Variants in COMP observed in about 807,000 individuals in gnomAD.
COMP encodes the protein cartilage oligomeric matrix protein, also known as cartilage oligomeric matrix protein (pseudoachondroplasia, epiphyseal dysplasia 1, multiple).
In COMP, 79 loss-of-function variants were observed where a neutral mutation model predicts 95.8. The observed-to-expected ratio is 0.82, with a 90% confidence interval of 0.69 to 0.99. The LOEUF is 0.99. Among genes scored for constraint, COMP ranks in the 50% least tolerant of loss-of-function variants. The probability of loss-of-function intolerance (pLI) is 0.00; values close to 1 mark genes in which losing one functional copy is unlikely to be tolerated. For synonymous variants in COMP, 438 were observed against 433.9 expected (o/e 1.01, Z -0.12); for missense variants, 906 against 1,076.1 (o/e 0.84, Z 2.21).
intron 3 of COMP, 65 bp from the exon 4 acceptor site, chr19:18,790,179 C>A (rs1378870904): frequency 2.4e-6 from 3 of 1,269,304 alleles, no homozygotes; most frequent in Non-Finnish European, 3.2e-6. Context: ...CAGAGCCTAT[C>A]ATGGCCACGC....
rs2055192861 is a variant in COMP, at chr19:18,789,250, G to A, written c.438C>T (p.Ser146=). 2.0e-6 allele frequency: 3 copies of A among 1,525,752 alleles called. No homozygotes were observed. The East Asian group carries it at 6.8e-5, about 35-fold the overall frequency. The allele number at this position is 1,525,752 out of a possible 1,614,324, so 94.5% of individuals were successfully genotyped here. The part of the protein sequence containing the change: ...CFPRVRCINT[S]PGFRCEACPP... ...GGCAAGCCTCGCAGCGGAACCCCGG[G>A]CTGGTGTTGATACAGCGGACTCGGG... Residue 146 remains serine (S), a synonymous_variant, in exon 5 of 19, where the codon AGC becomes AGT. Transcript: ENST00000222271. This position sits in a 1 kb window ranked among gnomAD's most constrained non-coding sequence, Gnocchi z 6.1.
In COMP at chr19:18,790,563, G is replaced by A; in HGVS notation, c.216C>T (p.Cys72=). Residue 72 remains cysteine, a splice_region_variant and synonymous_variant, in exon 3 of 19, where the codon TGC becomes TGT. Coordinates refer to ENST00000222271, the MANE Select transcript of COMP (RefSeq NM_000095.3). The part of the protein sequence containing the change: ...LKNTVMECDA[C]GMQQSVRTGL... ...TCCCGACCGCCCCGCCGCGCTCACCGCACGCGTCACACTCCATCACCGTGT... is the reference window on the plus strand; with the variant it reads ...TCCCGACCGCCCCGCCGCGCTCACCACACGCGTCACACTCCATCACCGTGT... 1 of 1,613,572 alleles carries A rather than the reference G, an allele frequency of 6.2e-7. No homozygotes were observed. The highest frequency in any genetic ancestry group is 8.5e-7 in the Non-Finnish European group (1 of 1,179,838).
intron 11 of COMP, 42 bp downstream of exon 11, chr19:18,786,490 C>T (rs745984596): frequency 3.8e-6 from 6 of 1,572,492 alleles, no homozygotes; most frequent in Non-Finnish European, 5.3e-6. Context: ...ACTTGCAGTT[C>T]ACCCAGAGGG....
chr19:18,783,537 C>T (rs1043439864), intron 17 of COMP, among the ~76,000 whole-genome samples: 1 of 152,048 alleles, frequency 6.6e-6, no homozygotes, highest in Admixed American at 6.5e-5. Flanking sequence ...ATTACTGCCA[C>T]CTTAATTCCC....
At position 18,790,864 on chromosome 19, in the gene COMP, G is replaced by T. The variant is rs2055208145; in HGVS notation, c.151C>A (p.Leu51Met). 1.9e-6 allele frequency: 3 copies of T among 1,565,988 alleles called. No homozygotes were observed. The highest frequency in any genetic ancestry group is 2.6e-6 in the Non-Finnish European group (3 of 1,157,612). ...TNAALQDVRE[L>M]LRQQVREITF... ...GGGCCCCGCACCTGCTGCCGCAGCAGCTCCCGCACGTCCTGCAGCGCCGCG... is the reference window on the plus strand; with the variant it reads ...GGGCCCCGCACCTGCTGCCGCAGCATCTCCCGCACGTCCTGCAGCGCCGCG... The change falls in exon 2 of 19, where the codon CTG becomes ATG. Residue 51 changes from leucine (L) to methionine (M), a missense_variant. By Grantham distance (15) the Leu-to-Met change is conservative. Transcript: ENST00000222271.
rs200440859 is a variant in COMP, at chr19:18,788,943, C to G, written c.529-30G>C. The G allele has an allele frequency of 1.6e-5, 25 of 1,609,560 alleles. No homozygotes were observed. In the East Asian group the frequency reaches 5.4e-4, roughly 34 times the overall value. ...GGGAGGGGAACTCAGAGGTCACCAC[C>G]CCACGCAGACACCTCCGGACCTCCC... On this transcript the variant is annotated intron_variant, in intron 5 of 18. Coordinates refer to ENST00000222271, the MANE Select transcript of COMP (RefSeq NM_000095.3). This position sits in a 1 kb window ranked among gnomAD's most constrained non-coding sequence, Gnocchi z 4.7.
chr19:18,784,865 C>G lies in COMP; in HGVS notation c.1914+31G>C, dbSNP rs767388975. The G allele has an allele frequency of 9.9e-6, 16 of 1,611,080 alleles. No homozygotes were observed. The highest frequency in any genetic ancestry group is 1.3e-5 in the Non-Finnish European group (15 of 1,179,244). ...GAGGGTCATGGGAGGGCATGAGGACCGCAGAGGTCAGGCACGGACGGCCCT... is the reference window on the plus strand; with the variant it reads ...GAGGGTCATGGGAGGGCATGAGGACGGCAGAGGTCAGGCACGGACGGCCCT... On this transcript the variant is annotated intron_variant, in intron 16 of 18. Transcript: ENST00000222271. The surrounding 1 kb of genome is among the most constrained non-coding windows in gnomAD (Gnocchi z 4.9).
Position 18,790,920 on chromosome 19 carries a change from G to A in COMP, c.95C>T (p.Pro32Leu). The A allele has an allele frequency of 6.4e-7, 1 of 1,563,410 alleles. No homozygotes were observed. Among genetic ancestry groups the A allele is most frequent in the Non-Finnish European group, 8.7e-7 (1 of 1,154,804 alleles). ...TTCCTGCAGTTCCCGAAGCATCTGC[G>A]GGCCCAGGTCTGAGCCTGCGGCGGC... ...GQSPLGSDLG[P>L]QMLRELQETN... is the part of the protein sequence containing the mutation. The change falls in exon 2 of 19, where the codon CCG becomes CTG. Residue 32 changes from proline to leucine, a missense_variant. Physicochemically the swap from Pro to Leu is moderately conservative, Grantham distance 98. Coordinates refer to ENST00000222271, the MANE Select transcript of COMP (RefSeq NM_000095.3).
In COMP at chr19:18,786,610, G is replaced by C; in HGVS notation, c.1176C>G (p.Asn392Lys). 6.2e-7 allele frequency: 1 copy of C among 1,614,058 alleles called. No homozygotes were observed. Among genetic ancestry groups the C allele is most frequent in the African/African-American group, 1.3e-5 (1 of 75,026 alleles). Residue 392 changes from asparagine (N) to lysine (K), a missense_variant, in exon 11 of 19, where the codon AAC (asparagine) becomes AAG (lysine). Asn to Lys is a moderately conservative substitution (Grantham distance 94). Coordinates refer to ENST00000222271, the MANE Select transcript of COMP (RefSeq NM_000095.3). ...NQADNCPRVP[N>K]SDQKDSDGDG... is the part of the protein sequence containing the mutation. ...CGCCATCACTGTCCTTCTGGTCTGA[G>C]TTGGGTACCCTAGGGCAGTTGTCGG...
At chr19:18,786,425 T>A in intron 11 of COMP, 107 bp downstream of exon 11, 1 of 1,528,728 alleles carries the variant, frequency 6.5e-7, no homozygotes, top group South Asian at 1.1e-5. Flanking sequence ...GACCGAGAGG[T>A]CATTTCTCTG....
intron 10 of COMP, 61 bp from the exon 11 acceptor site, chr19:18,786,711 G>T: frequency 8.3e-7 from 1 of 1,204,286 alleles, no homozygotes; most frequent in Non-Finnish European, 1.2e-6. Context: ...GACTTCATTA[G>T]GATGAGGCCA....
At position 18,787,554 on chromosome 19, in the gene COMP, C is replaced by G. The variant is rs748625870; in HGVS notation, c.1072G>C (p.Asp358His). 9 of 1,614,012 alleles carry G rather than the reference C, an allele frequency of 5.6e-6. 1 individual carries two copies. The South Asian group carries it at 9.9e-5, about 18-fold the overall frequency. Reference protein sequence around the residue: ...CDNCRSQKNDDQKDTDQDGRG... With the variant: ...CDNCRSQKNDHQKDTDQDGRG... The stretch of plus-strand genomic sequence containing the variant: ...CCGTCCTGGTCTGTGTCCTTTTGGT[C>G]GTCGTTCTTCTGGGACCGGCAGTTG... Residue 358 changes from aspartate (D) to histidine (H), a missense_variant, in exon 10 of 19, where the codon GAC (aspartate) becomes CAC (histidine). Transcript: ENST00000222271.
chr19:18,791,235 G>C lies in COMP; in HGVS notation c.35C>G (p.Thr12Ser). ...TCCGGACGCGCCGAGGGCAGCCAGG[G>C]TGAGCAGAAGAACGCAGGCGGTGTC... ...VPDTACVLLL[T>S]LAALGASGQG... Residue 12 changes from threonine (T) to serine (S), a missense_variant, in exon 1 of 19, where the codon ACC becomes AGC. Thr to Ser is a moderately conservative substitution (Grantham distance 58). Coordinates refer to ENST00000222271, the MANE Select transcript of COMP (RefSeq NM_000095.3). 3 of 1,598,616 alleles carry C rather than the reference G, an allele frequency of 1.9e-6. No individual in the cohort carries two copies. The highest frequency in any genetic ancestry group is 2.6e-6 in the Non-Finnish European group (3 of 1,174,236).
In COMP at chr19:18,782,871, C is replaced by T. The variant is rs757901587; in HGVS notation, c.*44G>A. 2.1e-5 allele frequency: 34 copies of T among 1,605,544 alleles called. No individual in the cohort carries two copies. The highest frequency in any genetic ancestry group is 2.2e-4 in the Middle Eastern group (1 of 4,646). Reference sequence around the variant, plus strand: ...GCTGGGTGCAGAGCCCCCATCCAGCCGCGGTGAGGGTGGCTGTCATCCGGC... The same window carrying T: ...GCTGGGTGCAGAGCCCCCATCCAGCTGCGGTGAGGGTGGCTGTCATCCGGC... On this transcript the variant is annotated 3_prime_UTR_variant, in exon 19 of 19. Coordinates refer to ENST00000222271, the MANE Select transcript of COMP (RefSeq NM_000095.3).
chr19:18,787,864 C>CTTTT (rs56093208), intron 9 of COMP, among the ~76,000 whole-genome samples: 22,514 of 108,620 alleles, frequency 0.21, 2,749 homozygotes, highest in Non-Finnish European at 0.24. Flanking sequence ...TTTTCTTTTT[C>CTTTT]TCTTTCTTTC....
chr19:18,789,028 A>G lies in COMP; in HGVS notation c.529-115T>C. 1 of 1,542,108 alleles carries G rather than the reference A, an allele frequency of 6.5e-7. No homozygotes were observed. Among genetic ancestry groups the G allele is most frequent in the Non-Finnish European group, 8.8e-7 (1 of 1,133,708 alleles). On this transcript the variant is annotated intron_variant, in intron 5 of 18. Coordinates refer to ENST00000222271, the MANE Select transcript of COMP (RefSeq NM_000095.3). The surrounding 1 kb of genome is among the most constrained non-coding windows in gnomAD (Gnocchi z 6.1). ...CCCTCCATCCTGCCCCAAACCGATCAGCCCTGGCGCAGCGGACCCCTCCTC... is the reference window on the plus strand; with the variant it reads ...CCCTCCATCCTGCCCCAAACCGATCGGCCCTGGCGCAGCGGACCCCTCCTC...
chr19:18,789,311 G>T lies in COMP; in HGVS notation c.391-14C>A, dbSNP rs779567566. ...GTGGGCGTTGCACTGGGGGAGGAGG[G>T]GCCACAGAGGGTCAGAGGGCTTCGA... On this transcript the variant is annotated splice_polypyrimidine_tract_variant and intron_variant, in intron 4 of 18. Transcript: ENST00000222271. This position sits in a 1 kb window ranked among gnomAD's most constrained non-coding sequence, Gnocchi z 6.1. 2.0e-5 allele frequency: 29 copies of T among 1,473,280 alleles called. No individual in the cohort carries two copies. Among genetic ancestry groups the T allele is most frequent in the Non-Finnish European group, 2.6e-5 (29 of 1,114,040 alleles). The allele number at this position is 1,473,280 out of a possible 1,614,324, so 91.3% of individuals were successfully genotyped here.
At chr19:18,790,695 T>C in intron 2 of COMP, 82 bp from the exon 3 acceptor site, 1 of 1,612,316 alleles carries the variant, frequency 6.2e-7, no homozygotes, top group Non-Finnish European at 8.5e-7. Context: ...CGGGGTCCCT[T>C]TCTACAGCCT....
rs375476152 is a variant in COMP, at chr19:18,786,070, C to T, written c.1384G>A (p.Asp462Asn). 3 of 1,613,920 alleles carry T rather than the reference C, an allele frequency of 1.9e-6. No homozygotes were observed. Among genetic ancestry groups the T allele is most frequent in the African/African-American group, 1.3e-5 (1 of 74,946 alleles). The change falls in exon 13 of 19, where the codon GAT (aspartate) becomes AAT (asparagine). Residue 462 changes from aspartate (D) to asparagine (N), a missense_variant. By Grantham distance (23) the Asp-to-Asn change is conservative. Coordinates refer to ENST00000222271, the MANE Select transcript of COMP (RefSeq NM_000095.3). The stretch of plus-strand genomic sequence containing the variant: ...TCGTCGCAGGCATCACCCTGGCCAT[C>T]GTGGTCTGAGTCCTCCTGGGCACTG... ...PNSAQEDSDH[D>N]GQGDACDDDD...
Sources: allele counts gnomAD v4.1 joint callset (sites outside exome capture counted in the v4.1 genomes callset), GRCh38; gene constraint gnomAD v4.1.1; non-coding constraint Gnocchi (gnomAD v3.1); transcripts MANE v1.5; gene names NCBI Gene and HGNC (gene_info 2026-07-23, HGNC 2026-07-21).